The following CCDC81 variants were observed in gnomAD, a reference collection of about 807,000 sequenced individuals.
The protein encoded by CCDC81 is coiled-coil domain-containing protein 81.
Under a neutral mutation model 83.7 loss-of-function variants are expected in CCDC81, and 79 were observed. That is an observed-to-expected ratio of 0.94 (90% CI 0.79 to 1.14). CCDC81 has a LOEUF of 1.14. Ranked by LOEUF, CCDC81 falls within the 50% of genes most tolerant of loss-of-function variation. CCDC81 has a pLI of 0.00. For synonymous variants in CCDC81, 252 were observed against 278.1 expected (o/e 0.91, Z 0.93); for missense variants, 791 against 778.1 (o/e 1.02, Z -0.20).
rs761902098 is a variant in CCDC81 at position 86,415,124 on chromosome 11, T to C, written c.1502T>C (p.Phe501Ser). 22 of 1,614,060 alleles carry C rather than the reference T, an allele frequency of 1.4e-5. No individual in the cohort carries two copies. Among genetic ancestry groups the C allele is most frequent in the Non-Finnish European group, 1.9e-5 (22 of 1,180,042 alleles). ...AACAAACCCTCTCGGCTGCCCCCCT[T>C]TGAGCCAGACTCCTCTGAGCCCATC... is the stretch of plus-strand genomic sequence containing the variant. Reference protein sequence around the residue: ...IKNKPSRLPPFEPDSSEPIFG... With the variant: ...IKNKPSRLPPSEPDSSEPIFG... Residue 501 changes from phenylalanine to serine, a missense_variant, in exon 13 of 15, where the codon TTT becomes TCT. Coordinates refer to ENST00000445632, the MANE Select transcript of CCDC81 (RefSeq NM_001156474.2).
In CCDC81 at chr11:86,404,199, C is replaced by A. The variant is rs1460723283; in HGVS notation, c.881+3398C>A. 2.0e-5 allele frequency among the ~76,000 whole-genome samples: 3 copies of A among 151,962 alleles called. No homozygotes were observed. The South Asian group carries it at 6.2e-4, about 32-fold the overall frequency. On this transcript the variant is annotated intron_variant, in intron 7 of 14. Coordinates refer to ENST00000445632, the MANE Select transcript of CCDC81 (RefSeq NM_001156474.2). ...AAACCTTTAGGGAATCAGCATTCGC[C>A]CCACCCCAGATTTTGAGGCCTAAGA...
intron 2 of CCDC81, among the ~76,000 whole-genome samples, chr11:86,387,140 G>C (rs1948253345): frequency 6.6e-6 from 1 of 152,198 alleles, no homozygotes; most frequent in Non-Finnish European, 1.5e-5. Flanking sequence ...AGAAAGCAGA[G>C]ATTCTCATGC....
At chr11:86,403,182 C>A (rs1292188450) in intron 7 of CCDC81, among the ~76,000 whole-genome samples, 1 of 151,752 alleles carries the variant, frequency 6.6e-6, no homozygotes, top group Non-Finnish European at 1.5e-5. Context: ...GTTTCTTGGC[C>A]ATTTGTAGTT....
At chr11:86,380,150 A>G (rs1948158234) in intron 1 of CCDC81, among the ~76,000 whole-genome samples, 2 of 151,780 alleles carry the variant, frequency 1.3e-5, no homozygotes, top group Admixed American at 1.3e-4. Flanking sequence ...ACTGGCAATT[A>G]ATTCCCTTAA....
intron 7 of CCDC81, among the ~76,000 whole-genome samples, chr11:86,406,744 G>C (rs561157370): frequency 6.6e-6 from 1 of 152,322 alleles, no homozygotes; most frequent in East Asian, 1.9e-4. Context: ...GGCAGAGGTT[G>C]CAGTGAGCTG....
chr11:86,395,238 T>A, intron 4 of CCDC81, 96 bp from the exon 5 acceptor site: 1 of 850,738 alleles, frequency 1.2e-6, no homozygotes, highest in Non-Finnish European at 1.9e-6. Context: ...ACAAGAAAAG[T>A]ATCGTGGTAG....
intron 13 of CCDC81, 143 bp from the exon 14 acceptor site, chr11:86,419,783 TAC>T (rs1948764717): frequency 2.9e-6 from 2 of 684,244 alleles, no homozygotes; most frequent in Admixed American, 3.5e-5. Context: ...AGTATGCTTT[TAC>T]AGTGTTCATG....
chr11:86,395,977 C>G (rs531064905), intron 5 of CCDC81, among the ~76,000 whole-genome samples: 1 of 152,276 alleles, frequency 6.6e-6, no homozygotes, highest in South Asian at 2.1e-4. Context: ...ATACTACCTT[C>G]CATTAACCTT....
At chr11:86,399,232 T>G (rs565175442) in intron 6 of CCDC81, among the ~76,000 whole-genome samples, 22 of 152,356 alleles carry the variant, frequency 1.4e-4, no homozygotes, top group African/African-American at 5.3e-4. Flanking sequence ...ATATCAACTT[T>G]TAGCCTAATA....
chr11:86,410,292 T>C (rs1948624226), intron 10 of CCDC81, among the ~76,000 whole-genome samples: 1 of 152,210 alleles, frequency 6.6e-6, no homozygotes, highest in Non-Finnish European at 1.5e-5. Context: ...ATCAAACATT[T>C]ATTGAATTCC....
At chr11:86,404,811 T>A (rs2138526363) in intron 7 of CCDC81, among the ~76,000 whole-genome samples, 1 of 152,358 alleles carries the variant, frequency 6.6e-6, no homozygotes, top group South Asian at 2.1e-4. Flanking sequence ...ACTTATACAA[T>A]ACTTAATTCA....
In CCDC81 at chr11:86,405,517, A is replaced by G. The variant is rs182833042; in HGVS notation, c.882-2097A>G. On this transcript the variant is annotated intron_variant, in intron 7 of 14. Coordinates refer to ENST00000445632, the MANE Select transcript of CCDC81 (RefSeq NM_001156474.2). ...ATTTTGTATTTTCTATTTACTGTGC[A>G]TTTAACTTCATTATTACCCCTTTTC... is the stretch of plus-strand genomic sequence containing the variant. 1.8e-4 allele frequency among the ~76,000 whole-genome samples: 27 copies of G among 152,252 alleles called. No homozygotes were observed. In the East Asian group the frequency reaches 5.0e-3, roughly 28 times the overall value.
intron 11 of CCDC81, among the ~76,000 whole-genome samples, chr11:86,413,986 A>G (rs1948681613): frequency 6.6e-6 from 1 of 152,246 alleles, no homozygotes. Context: ...TGTGATGAAA[A>G]AAATCTATTT....
chr11:86,422,094 T>A (rs938134081), intron 14 of CCDC81, among the ~76,000 whole-genome samples: 5 of 152,188 alleles, frequency 3.3e-5, no homozygotes, highest in African/African-American at 1.2e-4. Context: ...TGCCCTTAAC[T>A]CTCCAGAGGC....
At chr11:86,384,596 T>C (rs74443360) in intron 1 of CCDC81, among the ~76,000 whole-genome samples, 19,810 of 152,206 alleles carry the variant, frequency 0.13, 2,141 homozygotes, top group African/African-American at 0.3. Context: ...ACTCTCCGTG[T>C]TTTAGCTAGT....
chr11:86,392,552 A>G lies in CCDC81; in HGVS notation c.310A>G (p.Ile104Val), dbSNP rs952814574. 7 of 1,550,972 alleles carry G rather than the reference A, an allele frequency of 4.5e-6. No homozygotes were observed. The highest frequency in any genetic ancestry group is 1.7e-4 in the Middle Eastern group (1 of 6,012). Residue 104 changes from isoleucine (I) to valine (V), a missense_variant, in exon 4 of 15, where the codon ATT becomes GTT. Physicochemically the swap from Ile to Val is conservative, Grantham distance 29. Coordinates refer to ENST00000445632, the MANE Select transcript of CCDC81 (RefSeq NM_001156474.2). ...CTTTTCTCCTTTAGGTGAAATCCCAATTGTTCCACTTAATTTTGTCATGAT... is the reference window on the plus strand; with the variant it reads ...CTTTTCTCCTTTAGGTGAAATCCCAGTTGTTCCACTTAATTTTGTCATGAT... The part of the protein sequence containing the change: ...NKVYTPGEIP[I>V]VPLNFVMISL...
chr11:86,379,096 G>T (rs911035760), intron 1 of CCDC81, among the ~76,000 whole-genome samples: 1 of 148,036 alleles, frequency 6.8e-6, no homozygotes, highest in Non-Finnish European at 1.5e-5. Flanking sequence ...CAGCATATCA[G>T]TTATACTTTT....
chr11:86,378,350 A>G (rs895722198), intron 1 of CCDC81, among the ~76,000 whole-genome samples: 1 of 152,042 alleles, frequency 6.6e-6, no homozygotes. Flanking sequence ...TATGATTTCT[A>G]TCCTTTTCTA....
At chr11:86,397,589 TGC>T in intron 5 of CCDC81, 30 bp from the exon 6 acceptor site, 1 of 1,596,786 alleles carries the variant, frequency 6.3e-7, no homozygotes, top group Non-Finnish European at 8.5e-7. Flanking sequence ...TCAGGTTCAG[TGC>T]AGCAGAAAAA....
Sources: gnomAD v4.1 joint callset for allele counts (sites outside exome capture counted in the v4.1 genomes callset) on GRCh38, gnomAD v4.1.1 for gene constraint, MANE v1.5 for transcripts, NCBI Gene and HGNC (gene_info 2026-07-23, HGNC 2026-07-21) for gene names.